The following HEBP2 variants were observed in gnomAD, a reference collection of about 807,000 sequenced individuals.
The protein encoded by HEBP2 is heme binding protein 2.
In HEBP2, 27 loss-of-function variants were observed where a neutral mutation model predicts 23.1. That is an observed-to-expected ratio of 1.17 (90% CI 0.86 to 1.61). The LOEUF is 1.61. Among genes scored for constraint, HEBP2 ranks in the 40% most tolerant of loss-of-function variants. HEBP2 has a pLI of 0.00. For missense variants in HEBP2, 245 were observed against 253.8 expected (o/e 0.97, Z 0.24); for synonymous variants, 99 against 95.1 (o/e 1.04, Z -0.24).
intron 2 of HEBP2, among the ~76,000 whole-genome samples, chr6:138,405,683 G>A (rs1252974357): frequency 6.6e-6 from 1 of 152,106 alleles, no homozygotes; most frequent in Non-Finnish European, 1.5e-5. Context: ...CTCATTTTCT[G>A]AATGGTAAGA....
Position 138,416,889 on chromosome 6 carries a change from C to T in HEBP2, c.*3811C>T, listed in dbSNP as rs919890573. The T allele has an allele frequency of 1.6e-4, 25 of 152,128 alleles. No individual in the cohort carries two copies. Among genetic ancestry groups the T allele is most frequent in the African/African-American group, 5.8e-4 (24 of 41,420 alleles). 9.4% of individuals were successfully genotyped at this position (152,128 alleles called of 1,614,324 possible). ...CCAGTTTCTAGTTCAGTTTTCTGAC[C>T]TAGAGCTCATTAATTGCAGAGGTGA... On this transcript the variant is annotated 3_prime_UTR_variant, in exon 4 of 4. Coordinates refer to ENST00000607197, the MANE Select transcript of HEBP2 (RefSeq NM_014320.3).
rs1335688999 is a variant in HEBP2 at position 138,421,877 on chromosome 6, T to C, written c.*8799T>C. The C allele has an allele frequency of 2.0e-5, 3 of 152,238 alleles. No homozygotes were observed. The highest frequency in any genetic ancestry group is 4.4e-5 in the Non-Finnish European group (3 of 68,044). 9.4% of individuals were successfully genotyped at this position (152,238 alleles called of 1,614,324 possible). A position where few individuals can be genotyped will look rare whatever the true frequency, so the allele number is the denominator to read the frequency against. On this transcript the variant is annotated 3_prime_UTR_variant, in exon 4 of 4. Coordinates refer to ENST00000607197, the MANE Select transcript of HEBP2 (RefSeq NM_014320.3). ...CTTGTAGATGGTGCCATCCAGTGTC[T>C]GTGATGTTCCACCTCCTCTGTTGGG... is the stretch of plus-strand genomic sequence containing the variant.
intron 3 of HEBP2, among the ~76,000 whole-genome samples, chr6:138,410,246 G>A (rs1178687279): frequency 6.6e-6 from 1 of 152,230 alleles, no homozygotes; most frequent in African/African-American, 2.4e-5. Context: ...GCACGTGGGG[G>A]TGAGGGAGGC....
intron 3 of HEBP2, among the ~76,000 whole-genome samples, chr6:138,407,927 A>G (rs1309280303): frequency 6.6e-6 from 1 of 152,180 alleles, no homozygotes; most frequent in Non-Finnish European, 1.5e-5. Context: ...CAGGAAACAG[A>G]TTGGTGAGGC....
Position 138,417,211 on chromosome 6 carries a change from A to G in HEBP2, c.*4133A>G, listed in dbSNP as rs1256425498. 6.6e-6 allele frequency: 1 copy of G among 152,216 alleles called. No individual in the cohort carries two copies. The highest frequency in any genetic ancestry group is 1.5e-5 in the Non-Finnish European group (1 of 68,040). 9.4% of individuals were successfully genotyped at this position (152,216 alleles called of 1,614,324 possible). On this transcript the variant is annotated 3_prime_UTR_variant, in exon 4 of 4. Transcript: ENST00000607197. ...TCCTGGGCCTGCAGGTTATCTGCCTAATCCCTGAATGTATAATTGAGACTG... is the reference window on the plus strand; with the variant it reads ...TCCTGGGCCTGCAGGTTATCTGCCTGATCCCTGAATGTATAATTGAGACTG...
rs1266217337 is a variant in HEBP2 at position 138,414,005 on chromosome 6, A to C, written c.*927A>C. The C allele has an allele frequency of 1.3e-5, 2 of 152,340 alleles. No homozygotes were observed. Among genetic ancestry groups the C allele is most frequent in the Non-Finnish European group, 2.9e-5 (2 of 68,098 alleles). The allele number at this position is 152,340 out of a possible 1,614,324, so 9.4% of individuals were successfully genotyped here. ...ATTGGCAAGTGTGATGAAGAACAGA[A>C]TAGGGCAGTGGGGTAGAGTGTGGTT... On this transcript the variant is annotated 3_prime_UTR_variant, in exon 4 of 4. Coordinates refer to ENST00000607197, the MANE Select transcript of HEBP2 (RefSeq NM_014320.3).
intron 1 of HEBP2, among the ~76,000 whole-genome samples, chr6:138,404,829 G>A (rs1020159977): frequency 6.6e-6 from 1 of 152,200 alleles, no homozygotes; most frequent in Non-Finnish European, 1.5e-5. Context: ...GGGGCGGGGA[G>A]GAACTGGTTA....
At chr6:138,411,629 G>A (rs1443120764) in intron 3 of HEBP2, among the ~76,000 whole-genome samples, 7 of 152,050 alleles carry the variant, frequency 4.6e-5, no homozygotes, top group African/African-American at 1.5e-4. Flanking sequence ...GGTCCTCAAC[G>A]CTCCCACAAC....
At position 138,413,182 on chromosome 6, in the gene HEBP2, G is replaced by A. The variant is rs1774781996; in HGVS notation, c.*104G>A. ...GCGTGTCTAGTGTCTTCTATTGAGA[G>A]TACTACTATTAATTAAGCTTATTTC... On this transcript the variant is annotated 3_prime_UTR_variant, in exon 4 of 4. Coordinates refer to ENST00000607197, the MANE Select transcript of HEBP2 (RefSeq NM_014320.3). The A allele has an allele frequency of 1.2e-6, 1 of 820,282 alleles. No homozygotes were observed. The highest frequency in any genetic ancestry group is 2.0e-6 in the Non-Finnish European group (1 of 507,848). The allele number at this position is 820,282 out of a possible 1,614,324, so 50.8% of individuals were successfully genotyped here.
At position 138,413,364 on chromosome 6, in the gene HEBP2, A is replaced by G. The variant is rs1774786028; in HGVS notation, c.*286A>G. 3.5e-6 allele frequency: 1 copy of G among 289,502 alleles called. No individual in the cohort carries two copies. The highest frequency in any genetic ancestry group is 6.5e-6 in the Non-Finnish European group (1 of 154,204). 17.9% of individuals were successfully genotyped at this position (289,502 alleles called of 1,614,324 possible). On this transcript the variant is annotated 3_prime_UTR_variant, in exon 4 of 4. Transcript: ENST00000607197. ...CACTTCCCTCCTTCACTGCATCACA[A>G]TCATATTCCCTTTTTTTTTTCTTGG...
chr6:138,404,409 C>CGGCGGGGCGCGCACACGCA lies in HEBP2; in HGVS notation c.-77_-59dup. 2.1e-6 allele frequency: 2 copies of CGGCGGGGCGCGCACACGCA among 930,686 alleles called. No individual in the cohort carries two copies. Among genetic ancestry groups the CGGCGGGGCGCGCACACGCA allele is most frequent in the Middle Eastern group, 4.0e-4 (1 of 2,494 alleles). 57.7% of individuals were successfully genotyped at this position (930,686 alleles called of 1,614,324 possible). On this transcript the variant is annotated 5_prime_UTR_variant, in exon 1 of 4. Transcript: ENST00000607197. ...TCTGCGGAGCGGGGACTCGGGGCCT[C>CGGCGGGGCGCGCACACGCA]GGCGGGGCGCGCACACGCAGGCGGG...
chr6:138,407,042 G>A (rs1329043262), intron 3 of HEBP2, among the ~76,000 whole-genome samples: 2 of 152,174 alleles, frequency 1.3e-5, no homozygotes, highest in Non-Finnish European at 1.5e-5. Flanking sequence ...AAAGAAAAAT[G>A]TATATATGAA....
chr6:138,405,536 C>T (rs1190231880), intron 2 of HEBP2, among the ~76,000 whole-genome samples: 4 of 152,096 alleles, frequency 2.6e-5, no homozygotes, highest in Admixed American at 1.3e-4. Flanking sequence ...TGGCTAACAC[C>T]TCAAGATAAT....
rs540960942 is a variant in HEBP2 at position 138,412,618 on chromosome 6, T to C, written c.420-262T>C. Among the ~76,000 whole-genome samples the C allele has an allele frequency of 2.6e-5, 4 of 152,282 alleles. No homozygotes were observed. The South Asian group carries it at 8.3e-4, about 32-fold the overall frequency. Reference sequence around the variant, plus strand: ...ACAGGCATCCGCCACCACATCTGGCTAAGTTTTGTATTTTTATTAGAGATG... The same window carrying C: ...ACAGGCATCCGCCACCACATCTGGCCAAGTTTTGTATTTTTATTAGAGATG... On this transcript the variant is annotated intron_variant, in intron 3 of 3. Transcript: ENST00000607197.
Position 138,415,254 on chromosome 6 carries a change from A to G in HEBP2, c.*2176A>G, listed in dbSNP as rs1422927091. 1 of 152,144 alleles carries G rather than the reference A, an allele frequency of 6.6e-6. No homozygotes were observed. Among genetic ancestry groups the G allele is most frequent in the African/African-American group, 2.4e-5 (1 of 41,408 alleles). 9.4% of individuals were successfully genotyped at this position (152,144 alleles called of 1,614,324 possible). A position where few individuals can be genotyped will look rare whatever the true frequency, so the allele number is the denominator to read the frequency against. ...CTCCATCTCAGCCTAAAATTGGCAC[A>G]ATTGGTACCAGTGGCCCACGAACGT... On this transcript the variant is annotated 3_prime_UTR_variant, in exon 4 of 4. Coordinates refer to ENST00000607197, the MANE Select transcript of HEBP2 (RefSeq NM_014320.3).
Position 138,404,395 on chromosome 6 carries a change from G to C in HEBP2, c.-101G>C. ...GAGGAGGGACCGGGTCTGCGGAGCG[G>C]GGACTCGGGGCCTCGGCGGGGCGCG... On this transcript the variant is annotated 5_prime_UTR_variant, in exon 1 of 4. Transcript: ENST00000607197. 1 of 735,976 alleles carries C rather than the reference G, an allele frequency of 1.4e-6. No homozygotes were observed. The highest frequency in any genetic ancestry group is 1.8e-6 in the Non-Finnish European group (1 of 545,782). The allele number at this position is 735,976 out of a possible 1,614,324, so 45.6% of individuals were successfully genotyped here. A position where few individuals can be genotyped will look rare whatever the true frequency, so the allele number is the denominator to read the frequency against.
In HEBP2 at chr6:138,413,863, C is replaced by T. The variant is rs887580037; in HGVS notation, c.*785C>T. 1.3e-5 allele frequency: 2 copies of T among 152,284 alleles called. No individual in the cohort carries two copies. The highest frequency in any genetic ancestry group is 2.1e-4 in the South Asian group (1 of 4,838). The allele number at this position is 152,284 out of a possible 1,614,324, so 9.4% of individuals were successfully genotyped here. Reference sequence around the variant, plus strand: ...TTCACTAACTCCAACAACATCTTTCCACCTCCTTAACTATTTCATTCACCC... The same window carrying T: ...TTCACTAACTCCAACAACATCTTTCTACCTCCTTAACTATTTCATTCACCC... On this transcript the variant is annotated 3_prime_UTR_variant, in exon 4 of 4. Coordinates refer to ENST00000607197, the MANE Select transcript of HEBP2 (RefSeq NM_014320.3).
Position 138,417,594 on chromosome 6 carries a change from A to C in HEBP2, c.*4516A>C, listed in dbSNP as rs1380387945. 2.0e-5 allele frequency: 3 copies of C among 152,664 alleles called. No individual in the cohort carries two copies. The East Asian group carries it at 5.8e-4, about 29-fold the overall frequency. 9.5% of individuals were successfully genotyped at this position (152,664 alleles called of 1,614,324 possible). ...GCCTGGAGGCAGTTTCTAGGCAGCAAAGCAGGGAGAGGGAAGCCAGAGACC... is the reference window on the plus strand; with the variant it reads ...GCCTGGAGGCAGTTTCTAGGCAGCACAGCAGGGAGAGGGAAGCCAGAGACC... On this transcript the variant is annotated 3_prime_UTR_variant, in exon 4 of 4. Transcript: ENST00000607197.
intron 3 of HEBP2, among the ~76,000 whole-genome samples, chr6:138,411,157 G>T (rs1416007181): frequency 1.3e-5 from 2 of 152,234 alleles, no homozygotes; most frequent in African/African-American, 4.8e-5. Context: ...CATCATGCTT[G>T]CATGTCAGCA....
Sources: gnomAD v4.1 joint callset for allele counts (sites outside exome capture counted in the v4.1 genomes callset) on GRCh38, gnomAD v4.1.1 for gene constraint, MANE v1.5 for transcripts, NCBI Gene and HGNC (gene_info 2026-07-23, HGNC 2026-07-21) for gene names.